The following CGGBP1 variants were observed in gnomAD, a reference collection of about 807,000 sequenced individuals.
CGGBP1 encodes the protein CGG triplet repeat-binding protein 1.
CGGBP1 carries 4 observed loss-of-function variants against 11.4 expected under a neutral mutation model. The observed-to-expected ratio is 0.35, with a 90% confidence interval of 0.17 to 0.80. CGGBP1 has a LOEUF of 0.80. Among genes scored for constraint, CGGBP1 ranks in the 30% least tolerant of loss-of-function variants. The probability of loss-of-function intolerance (pLI) is 0.52; values close to 1 mark genes in which losing one functional copy is unlikely to be tolerated. For missense variants in CGGBP1, 135 were observed against 202.1 expected (o/e 0.67, Z 2.01); for synonymous variants, 76 against 74.1 (o/e 1.03, Z -0.13).
chr3:88,078,330 G>C (rs1215174511), intron 2 of CGGBP1, among the ~76,000 whole-genome samples: 1 of 152,104 alleles, frequency 6.6e-6, no homozygotes, highest in Non-Finnish European at 1.5e-5. Flanking sequence ...CTAACAAGGT[G>C]AATGATTTTC....
At chr3:88,094,965 G>C (rs1463568435) in intron 2 of CGGBP1, among the ~76,000 whole-genome samples, 2 of 152,018 alleles carry the variant, frequency 1.3e-5, no homozygotes, top group Non-Finnish European at 2.9e-5. Flanking sequence ...GAAAACTTAT[G>C]AGAAATTATC....
intron 1 of CGGBP1, among the ~76,000 whole-genome samples, chr3:88,145,104 T>C (rs1052042513): frequency 2.0e-5 from 3 of 152,086 alleles, no homozygotes; most frequent in African/African-American, 4.8e-5. Context: ...AATATTACAA[T>C]ATAAATGATG....
chr3:88,116,489 C>A (rs1246829034), intron 2 of CGGBP1, among the ~76,000 whole-genome samples: 1 of 151,702 alleles, frequency 6.6e-6, no homozygotes, highest in Non-Finnish European at 1.5e-5. Flanking sequence ...CATCGCACTC[C>A]ATCCAGCCAG....
At chr3:88,062,644 TTTC>T (rs936417587), upstream of CGGBP1, among the ~76,000 whole-genome samples, 1 of 152,196 alleles carries the variant, frequency 6.6e-6, no homozygotes, top group African/African-American at 2.4e-5. Context: ...GTTAAGATAC[TTTC>T]TTCTTAGTTC....
upstream of CGGBP1, chr3:88,059,315 G>T (rs754189967): frequency 1.3e-6 from 2 of 1,533,588 alleles, no homozygotes; most frequent in South Asian, 2.4e-5. Context: ...GGCGGCGAGA[G>T]CCTCATGGCG....
At chr3:88,092,126 T>A (rs1242308416) in intron 2 of CGGBP1, among the ~76,000 whole-genome samples, 1 of 152,240 alleles carries the variant, frequency 6.6e-6, no homozygotes, top group African/African-American at 2.4e-5. Flanking sequence ...AAGTTAATTA[T>A]ATTTTCCATA....
intron 2 of CGGBP1, among the ~76,000 whole-genome samples, chr3:88,133,088 C>T (rs1706561724): frequency 1.3e-5 from 2 of 152,168 alleles, no homozygotes; most frequent in African/African-American, 4.8e-5. Flanking sequence ...AAACCCCAAG[C>T]TTAATAGTTT....
intron 2 of CGGBP1, chr3:88,135,415 A>G: frequency 2.8e-6 from 1 of 353,550 alleles, no homozygotes; most frequent in East Asian, 4.2e-5. Flanking sequence ...ACATGGAAGC[A>G]ATTGCTTCCA....
At chr3:88,147,863 G>A (rs953441172) in intron 1 of CGGBP1, among the ~76,000 whole-genome samples, 1 of 152,230 alleles carries the variant, frequency 6.6e-6, no homozygotes, top group Non-Finnish European at 1.5e-5. Context: ...CCAGTGGGTA[G>A]AGGATGGGGA....
intron 2 of CGGBP1, among the ~76,000 whole-genome samples, chr3:88,133,156 CT>C (rs1245776849): frequency 1.3e-5 from 2 of 152,128 alleles, no homozygotes; most frequent in East Asian, 1.9e-4. Context: ...TTTCCCGCCC[CT>C]GAATTAATAT....
Position 88,052,129 on chromosome 3 carries a change from T to C in CGGBP1, c.*3344A>G, listed in dbSNP as rs1706441968. 1 of 152,568 alleles carries C rather than the reference T, an allele frequency of 6.6e-6. No individual in the cohort carries two copies. The highest frequency in any genetic ancestry group is 1.5e-5 in the Non-Finnish European group (1 of 68,008). 9.5% of individuals were successfully genotyped at this position (152,568 alleles called of 1,614,324 possible). ...AAAAAATAAGCACAGAATACAAAAA[T>C]GAAATAGTAAAATTTTAATACAGTA... On this transcript the variant is annotated 3_prime_UTR_variant, in exon 4 of 4. Coordinates refer to ENST00000482016, the MANE Select transcript of CGGBP1 (RefSeq NM_001008390.2).
intron 2 of CGGBP1, chr3:88,138,981 C>A (rs1706964381): frequency 8.0e-7 from 1 of 1,246,244 alleles, no homozygotes; most frequent in Admixed American, 4.0e-5. Context: ...TTTTGAATTG[C>A]TTCCAATTTT....
Position 88,055,765 on chromosome 3 carries a change from T to G in CGGBP1, c.212A>C (p.Lys71Thr). 6.2e-7 allele frequency: 1 copy of G among 1,614,232 alleles called. No individual in the cohort carries two copies. Among genetic ancestry groups the G allele is most frequent in the Non-Finnish European group, 8.5e-7 (1 of 1,180,032 alleles). ...HLKSKTHTKR[K>T]AEFEEQNVRK... ...CACATTCTGCTCTTCAAATTCTGCCTTCCTCTTGGTATGAGTCTTTGACTT... is the reference window on the plus strand; with the variant it reads ...CACATTCTGCTCTTCAAATTCTGCCGTCCTCTTGGTATGAGTCTTTGACTT... Residue 71 changes from lysine to threonine, a missense_variant, in exon 4 of 4, where the codon AAG becomes ACG. Transcript: ENST00000482016. The surrounding 1 kb of genome is among the most constrained non-coding windows in gnomAD (Gnocchi z 4.2).
At chr3:88,110,175 TTGTG>T (rs1188764606) in intron 2 of CGGBP1, among the ~76,000 whole-genome samples, 3 of 152,148 alleles carry the variant, frequency 2.0e-5, no homozygotes, top group African/African-American at 7.2e-5. Context: ...GTTACTATTA[TTGTG>T]TTTTATAAAT....
upstream of CGGBP1, among the ~76,000 whole-genome samples, chr3:88,060,753 C>CTTTCAATGCTTGTAAGGGATTT (rs1317515556): frequency 6.6e-6 from 1 of 152,054 alleles, no homozygotes; most frequent in Non-Finnish European, 1.5e-5. Flanking sequence ...GCTGACATTT[C>CTTTCAATGCTTGTAAGGGATTT]TTTCAATGCT....
chr3:88,149,765 G>A, exon 1 of CGGBP1: 1 of 249,496 alleles, frequency 4.0e-6, no homozygotes, highest in Non-Finnish European at 7.9e-6. Context: ...TTCTCTTTCG[G>A]TAACCAGCTC....
At chr3:88,124,528 T>A (rs1383909522) in intron 2 of CGGBP1, among the ~76,000 whole-genome samples, 1 of 152,242 alleles carries the variant, frequency 6.6e-6, no homozygotes, top group African/African-American at 2.4e-5. Flanking sequence ...GTGGCATATA[T>A]AAATCACTTT....
chr3:88,093,472 T>C (rs1703870492), intron 2 of CGGBP1, among the ~76,000 whole-genome samples: 1 of 152,154 alleles, frequency 6.6e-6, no homozygotes, highest in Non-Finnish European at 1.5e-5. Flanking sequence ...CAAGAATCAC[T>C]GGAGGAGGAA....
At chr3:88,112,304 T>C (rs1705140789) in intron 2 of CGGBP1, among the ~76,000 whole-genome samples, 1 of 151,834 alleles carries the variant, frequency 6.6e-6, no homozygotes. Context: ...AAAACAACTT[T>C]AGGTAGTTAC....
Sources: allele counts gnomAD v4.1 joint callset (sites outside exome capture counted in the v4.1 genomes callset), GRCh38; gene constraint gnomAD v4.1.1; non-coding constraint Gnocchi (gnomAD v3.1); transcripts MANE v1.5; gene names NCBI Gene and HGNC (gene_info 2026-07-23, HGNC 2026-07-21).